HECTD4: variants seen among roughly 807,000 people sequenced by gnomAD.
HECTD4 encodes the protein HECT domain E3 ubiquitin protein ligase 4.
HECTD4 carries 114 observed loss-of-function variants against 471.5 expected under a neutral mutation model. The ratio of observed to expected loss-of-function variants is 0.24; its 90% CI spans 0.21 to 0.28. The LOEUF (loss-of-function observed/expected upper bound fraction) is 0.28, where lower values mean the gene tolerates loss of function less well. Ranked by LOEUF, HECTD4 falls within the 10% of genes least tolerant of loss-of-function variation. The probability of loss-of-function intolerance (pLI) is 1.00; values close to 1 mark genes in which losing one functional copy is unlikely to be tolerated. For missense variants in HECTD4, 3,866 were observed against 5,651.5 expected (o/e 0.68, Z 10.13); for synonymous variants, 2,012 against 2,256.0 (o/e 0.89, Z 3.07).
chr12:112,303,532 T>C (rs985269655), intron 7 of HECTD4, among the ~76,000 whole-genome samples: 1 of 151,908 alleles, frequency 6.6e-6, no homozygotes, highest in Non-Finnish European at 1.5e-5. Flanking sequence ...ACAAAGGAAA[T>C]CAATATGCTA....
At chr12:112,323,965 TCTTCCTTCCTTCCTTCCTTCCTTC>T (rs1248538588) in intron 1 of HECTD4, among the ~76,000 whole-genome samples, 62 of 43,980 alleles carry the variant, frequency 1.4e-3, no homozygotes, top group Admixed American at 4.5e-3. Context: ...TTTCTTTCTT[TCTTCCTTCCTTCCTTCCTTCCTTC>T]CTTCCTTCCT....
intron 72 of HECTD4, among the ~76,000 whole-genome samples, chr12:112,165,959 C>T (rs950056752): frequency 1.3e-5 from 2 of 152,234 alleles, no homozygotes; most frequent in Non-Finnish European, 2.9e-5. Flanking sequence ...CCCTTCACCG[C>T]AGACACTCCA....
chr12:112,299,393 A>C (rs2035116789), intron 7 of HECTD4, among the ~76,000 whole-genome samples: 1 of 152,030 alleles, frequency 6.6e-6, no homozygotes, highest in Admixed American at 6.6e-5. Context: ...AGGCAGGAGG[A>C]TCCAATGAGC....
At chr12:112,279,428 C>T (rs746037321) in intron 8 of HECTD4, 42 bp from the exon 9 acceptor site, 1 of 1,531,694 alleles carries the variant, frequency 6.5e-7, no homozygotes, top group South Asian at 1.2e-5. Flanking sequence ...ATATTTGACA[C>T]AAAAGTTAAT....
chr12:112,268,108 G>A (rs2034321568), intron 13 of HECTD4, among the ~76,000 whole-genome samples: 1 of 152,186 alleles, frequency 6.6e-6, no homozygotes, highest in African/African-American at 2.4e-5. Context: ...ACAGGCATGA[G>A]CTAACACACT....
At chr12:112,198,554 A>T (rs1046264776) in intron 55 of HECTD4, among the ~76,000 whole-genome samples, 2 of 152,156 alleles carry the variant, frequency 1.3e-5, no homozygotes, top group Middle Eastern at 3.2e-3. Context: ...GGAGGTAGGA[A>T]TGGAGACGTG....
intron 20 of HECTD4, among the ~76,000 whole-genome samples, chr12:112,257,028 G>T (rs984934482): frequency 8.5e-5 from 13 of 152,142 alleles, no homozygotes; most frequent in African/African-American, 2.9e-4. Context: ...CTAAAGAAAG[G>T]TGCCTTCAAA....
intron 72 of HECTD4, among the ~76,000 whole-genome samples, chr12:112,165,390 C>G (rs779557672): frequency 7.3e-6 from 1 of 137,776 alleles, no homozygotes; most frequent in Admixed American, 7.6e-5. Flanking sequence ...CTTGCTCTGT[C>G]GCCCAGGCTG....
At position 112,216,681 on chromosome 12, in the gene HECTD4, A is replaced by G. The variant is rs2032926596; in HGVS notation, c.7385+92T>C. On this transcript the variant is annotated intron_variant, in intron 47 of 75. Transcript: ENST00000682272. Reference sequence around the variant, plus strand: ...CTCTCCTTTCCCCAAACTCACTTGAAGACAGAACTCTATTTTGACTTCCTG... The same window carrying G: ...CTCTCCTTTCCCCAAACTCACTTGAGGACAGAACTCTATTTTGACTTCCTG... 2.1e-6 allele frequency: 3 copies of G among 1,426,446 alleles called. No individual in the cohort carries two copies. The Admixed American group carries it at 6.2e-5, about 30-fold the overall frequency. 88.4% of individuals were successfully genotyped at this position (1,426,446 alleles called of 1,614,324 possible).
intron 69 of HECTD4, chr12:112,169,969 T>G: frequency 5.5e-6 from 3 of 542,630 alleles, no homozygotes; most frequent in Non-Finnish European, 3.3e-6. Context: ...TCTGCGCATA[T>G]CCCCCTTCTG....
intron 44 of HECTD4, among the ~76,000 whole-genome samples, chr12:112,222,487 T>C (rs1021129424): frequency 3.9e-5 from 6 of 152,160 alleles, no homozygotes. Context: ...TCCAACATGG[T>C]AAAACCCTGT....
At chr12:112,259,073 G>C in intron 19 of HECTD4, 39 bp downstream of exon 19, 1 of 1,558,590 alleles carries the variant, frequency 6.4e-7, no homozygotes, top group Non-Finnish European at 8.6e-7. Flanking sequence ...AAGCAGGTTG[G>C]CCAAAAAGCA....
At position 112,193,858 on chromosome 12, in the gene HECTD4, C is replaced by T. The variant is rs2032158584; in HGVS notation, c.8750-184G>A. On this transcript the variant is annotated intron_variant, in intron 56 of 75. Coordinates refer to ENST00000682272, the MANE Select transcript of HECTD4 (RefSeq NM_001388303.1). The surrounding 1 kb of genome is among the most constrained non-coding windows in gnomAD (Gnocchi z 5.2). Reference sequence around the variant, plus strand: ...CTGCACCAGGATGGTGGAGGGGGACCCAGGAGATCAATGGGCTTCATACTT... The same window carrying T: ...CTGCACCAGGATGGTGGAGGGGGACTCAGGAGATCAATGGGCTTCATACTT... Among the ~76,000 whole-genome samples the T allele has an allele frequency of 6.6e-6, 1 of 152,012 alleles. No homozygotes were observed. The highest frequency in any genetic ancestry group is 1.5e-5 in the Non-Finnish European group (1 of 67,976).
chr12:112,255,309 A>G (rs772140758), intron 21 of HECTD4, among the ~76,000 whole-genome samples: 68 of 152,168 alleles, frequency 4.5e-4, no homozygotes, highest in Admixed American at 3.5e-3. Flanking sequence ...TAGGAGAGAT[A>G]TGTTTCTGAA....
chr12:112,296,906 T>G (rs1206265547), intron 7 of HECTD4, among the ~76,000 whole-genome samples: 115 of 92,372 alleles, frequency 1.2e-3, no homozygotes, highest in Middle Eastern at 0.022. Context: ...TAGGTGCAGA[T>G]GGTGTAGGTG....
intron 1 of HECTD4, among the ~76,000 whole-genome samples, chr12:112,361,019 T>C (rs1417264938): frequency 1.3e-5 from 2 of 151,000 alleles, no homozygotes; most frequent in Non-Finnish European, 1.5e-5. Flanking sequence ...CAAAACAGTA[T>C]TATTAGTCAA....
At chr12:112,183,545 C>T (rs969853610) in intron 61 of HECTD4, among the ~76,000 whole-genome samples, 5 of 152,196 alleles carry the variant, frequency 3.3e-5, no homozygotes, top group Admixed American at 2.6e-4. Context: ...TCATGCCTAA[C>T]TCTGAGGAAG....
At chr12:112,368,550 C>T (rs1293214381) in intron 1 of HECTD4, among the ~76,000 whole-genome samples, 3 of 151,980 alleles carry the variant, frequency 2.0e-5, no homozygotes, top group African/African-American at 7.3e-5. Context: ...ATAGTATATC[C>T]ACAAATTACT....
At position 112,197,324 on chromosome 12, in the gene HECTD4, TA is replaced by T. The variant is rs568584785; in HGVS notation, c.8568-2259del. ...GTTTTCCAAAATCCTCTTTATTTATTAAAAAAAAAATTTGAGACAAGGTCTT... is the reference window on the plus strand; with the variant it reads ...GTTTTCCAAAATCCTCTTTATTTATTAAAAAAAAATTTGAGACAAGGTCTT... On this transcript the variant is annotated intron_variant, in intron 55 of 75. Transcript: ENST00000682272. Among the ~76,000 whole-genome samples, 5 of 150,732 alleles carry T rather than the reference TA, an allele frequency of 3.3e-5. No homozygotes were observed. In the South Asian group the frequency reaches 1.1e-3, roughly 32 times the overall value.
Sources: gnomAD v4.1 joint callset for allele counts (sites outside exome capture counted in the v4.1 genomes callset) on GRCh38, gnomAD v4.1.1 for gene constraint, Gnocchi (gnomAD v3.1) non-coding constraint, MANE v1.5 for transcripts, NCBI Gene and HGNC (gene_info 2026-07-23, HGNC 2026-07-21) for gene names.